The following BMPR1B variants were observed in gnomAD, a reference collection of about 807,000 sequenced individuals.
BMPR1B encodes bone morphogenetic protein receptor type 1B, also known as bone morphogenetic protein receptor type-1B.
A neutral mutation model predicts 59.1 loss-of-function variants in BMPR1B; 12 were observed. The observed-to-expected ratio is 0.20, with a 90% confidence interval of 0.13 to 0.33. The LOEUF (loss-of-function observed/expected upper bound fraction) is 0.33. BMPR1B is among the 10% of genes least tolerant of loss of function. BMPR1B has a pLI of 1.00. For missense variants in BMPR1B, 550 were observed against 610.9 expected (o/e 0.90, Z 1.05); for synonymous variants, 237 against 207.3 (o/e 1.14, Z -1.23).
chr4:94,758,778 TA>T (rs1285572064), intron 1 of BMPR1B, among the ~76,000 whole-genome samples: 1 of 152,070 alleles, frequency 6.6e-6, no homozygotes, highest in Non-Finnish European at 1.5e-5. Context: ...TTCCTCTCCT[TA>T]TTGCTATCCT....
At chr4:94,950,255 TAA>T (rs1479831801) in intron 2 of BMPR1B, among the ~76,000 whole-genome samples, 13 of 152,132 alleles carry the variant, frequency 8.5e-5, no homozygotes, top group Admixed American at 5.9e-4. Flanking sequence ...ACTCTGATGA[TAA>T]GTTTCTTTTG....
intron 3 of BMPR1B, among the ~76,000 whole-genome samples, chr4:95,031,828 G>C (rs1724881398): frequency 6.6e-6 from 1 of 152,070 alleles, no homozygotes; most frequent in South Asian, 2.1e-4. Context: ...TTAGGAGACT[G>C]AGGTGGGAGG....
intron 3 of BMPR1B, among the ~76,000 whole-genome samples, chr4:95,083,368 A>C (rs1449972170): frequency 1.3e-5 from 2 of 152,166 alleles, no homozygotes; most frequent in Admixed American, 1.3e-4. Context: ...TACCATAATC[A>C]TGGTAAATAA....
chr4:94,900,831 C>T (rs1727782896), intron 2 of BMPR1B, among the ~76,000 whole-genome samples: 2 of 152,134 alleles, frequency 1.3e-5, no homozygotes, highest in South Asian at 4.1e-4. Flanking sequence ...ACATAGTCCT[C>T]ACCCATATCT....
At chr4:94,976,657 C>T (rs1465880960) in intron 2 of BMPR1B, among the ~76,000 whole-genome samples, 2 of 152,158 alleles carry the variant, frequency 1.3e-5, no homozygotes, top group Non-Finnish European at 2.9e-5. Context: ...AATTAAGGTT[C>T]TTTGGAAAAC....
At chr4:94,901,026 C>T (rs1349405672) in intron 2 of BMPR1B, among the ~76,000 whole-genome samples, 1 of 151,948 alleles carries the variant, frequency 6.6e-6, no homozygotes, top group African/African-American at 2.4e-5. Context: ...AACCCTGGAA[C>T]CCCTTGGGCA....
intron 2 of BMPR1B, among the ~76,000 whole-genome samples, chr4:94,936,149 C>G (rs1026213838): frequency 6.6e-6 from 1 of 152,130 alleles, no homozygotes; most frequent in Non-Finnish European, 1.5e-5. Context: ...CCGTGGTATT[C>G]ATGCTGTGGA....
At chr4:95,143,099 A>G (rs951102712) in intron 10 of BMPR1B, among the ~76,000 whole-genome samples, 6 of 152,096 alleles carry the variant, frequency 3.9e-5, no homozygotes, top group African/African-American at 1.4e-4. Context: ...TGAAGGCTCC[A>G]CTTTCAGCCT....
chr4:95,154,572 A>G lies in BMPR1B; in HGVS notation c.1408A>G (p.Met470Val). 1 of 1,614,140 alleles carries G rather than the reference A, an allele frequency of 6.2e-7. No individual in the cohort carries two copies. The highest frequency in any genetic ancestry group is 8.5e-7 in the Non-Finnish European group (1 of 1,179,976). Reference sequence around the variant, plus strand: ...GTGTCTAAGGCAGATGGGAAAACTCATGACAGAATGCTGGGCTCACAATCC... The same window carrying G: ...GTGTCTAAGGCAGATGGGAAAACTCGTGACAGAATGCTGGGCTCACAATCC... Reference protein sequence around the residue: ...DECLRQMGKLMTECWAHNPAS... With the variant: ...DECLRQMGKLVTECWAHNPAS... Residue 470 changes from methionine to valine, a missense_variant, in exon 13 of 13, where the codon ATG (methionine) becomes GTG (valine). By Grantham distance (21) the Met-to-Val change is conservative. Transcript: ENST00000515059.
intron 1 of BMPR1B, among the ~76,000 whole-genome samples, chr4:94,784,602 C>G (rs1343868497): frequency 6.6e-6 from 1 of 152,018 alleles, no homozygotes; most frequent in Non-Finnish European, 1.5e-5. Flanking sequence ...AAGTGATCTT[C>G]CTGCCTTGGC....
chr4:95,015,762 G>A (rs1475692971), intron 3 of BMPR1B, among the ~76,000 whole-genome samples: 4 of 151,162 alleles, frequency 2.6e-5, no homozygotes, highest in Non-Finnish European at 4.4e-5. Context: ...GCACGGTCTC[G>A]GCTCACTGCA....
chr4:95,032,658 A>G (rs1046047299), intron 3 of BMPR1B, among the ~76,000 whole-genome samples: 2 of 152,174 alleles, frequency 1.3e-5, no homozygotes, highest in East Asian at 1.9e-4. Context: ...CACTTGGCCT[A>G]ATATCCTTAA....
chr4:95,022,216 T>G (rs1034373598), intron 3 of BMPR1B, among the ~76,000 whole-genome samples: 27 of 152,278 alleles, frequency 1.8e-4, no homozygotes, highest in Middle Eastern at 3.4e-3. Flanking sequence ...CACCATATGG[T>G]TTTTAAAGGC....
intron 1 of BMPR1B, among the ~76,000 whole-genome samples, chr4:94,795,225 A>C (rs2110610550): frequency 6.8e-6 from 1 of 147,624 alleles, no homozygotes; most frequent in East Asian, 2.0e-4. Flanking sequence ...AGTTTTTAGC[A>C]TGAAGGGTTG....
intron 2 of BMPR1B, among the ~76,000 whole-genome samples, chr4:94,880,493 GT>G (rs1269651504): frequency 6.6e-6 from 1 of 151,744 alleles, no homozygotes; most frequent in Non-Finnish European, 1.5e-5. Context: ...GAGTAATTTT[GT>G]TTTGTTTTTC....
chr4:94,812,293 T>C (rs1423736503), intron 1 of BMPR1B, among the ~76,000 whole-genome samples: 1 of 152,156 alleles, frequency 6.6e-6, no homozygotes, highest in Non-Finnish European at 1.5e-5. Context: ...AGAGAAAATA[T>C]AACATATCCA....
At chr4:95,152,586 A>G (rs1735122128) in intron 11 of BMPR1B, 57 bp from the exon 12 acceptor site, 1 of 1,436,818 alleles carries the variant, frequency 7.0e-7, no homozygotes, top group Non-Finnish European at 9.4e-7. Context: ...TTAGACTTTT[A>G]TTTCTACTTC....
At chr4:95,137,393 G>T (rs543663519) in intron 10 of BMPR1B, among the ~76,000 whole-genome samples, 1 of 152,174 alleles carries the variant, frequency 6.6e-6, no homozygotes, top group African/African-American at 2.4e-5. Flanking sequence ...CTGTTGATTT[G>T]GGGTGGAGAG....
chr4:95,081,909 A>G (rs970202031), intron 3 of BMPR1B, among the ~76,000 whole-genome samples: 1 of 152,188 alleles, frequency 6.6e-6, no homozygotes, highest in Non-Finnish European at 1.5e-5. Context: ...TTGCAAAAAC[A>G]TAGAGCAATG....
Sources: allele counts gnomAD v4.1 joint callset (sites outside exome capture counted in the v4.1 genomes callset), GRCh38; gene constraint gnomAD v4.1.1; transcripts MANE v1.5; gene names NCBI Gene and HGNC (gene_info 2026-07-23, HGNC 2026-07-21).